Variants in RALYL observed in about 807,000 individuals in gnomAD.
RALYL encodes RNA-binding Raly-like protein.
Under a neutral mutation model 35.1 loss-of-function variants are expected in RALYL, and 29 were observed. That is an observed-to-expected ratio of 0.83 (90% CI 0.61 to 1.13). RALYL has a LOEUF of 1.13. Among genes scored for constraint, RALYL ranks in the 50% most tolerant of loss-of-function variants. RALYL has a pLI of 0.00. For missense variants in RALYL, 359 were observed against 360.4 expected (o/e 1.00, Z 0.03); for synonymous variants, 120 against 127.6 (o/e 0.94, Z 0.40).
At chr8:84,573,863 CTT>C (rs767449771) in intron 2 of RALYL, among the ~76,000 whole-genome samples, 28 of 151,860 alleles carry the variant, frequency 1.8e-4, no homozygotes, top group Non-Finnish European at 2.9e-4. Context: ...TCAATTTTTT[CTT>C]TTATATACTT....
At chr8:84,355,548 A>C (rs115311306) in intron 1 of RALYL, among the ~76,000 whole-genome samples, 1 of 150,614 alleles carries the variant, frequency 6.6e-6, no homozygotes, top group East Asian at 1.9e-4. Context: ...AGCAAAAGGA[A>C]TTTATCTTTT....
intron 2 of RALYL, among the ~76,000 whole-genome samples, chr8:84,612,847 C>T (rs543789915): frequency 6.6e-6 from 1 of 151,630 alleles, no homozygotes; most frequent in African/African-American, 2.4e-5. Flanking sequence ...TTTTTAAATG[C>T]ATGTTTATGA....
chr8:84,659,737 A>G (rs1830564917), intron 2 of RALYL, among the ~76,000 whole-genome samples: 1 of 152,192 alleles, frequency 6.6e-6, no homozygotes, highest in African/African-American at 2.4e-5. Context: ...AATATCATGT[A>G]TTGCTTTTGC....
At chr8:84,509,031 C>G (rs1587864374) in intron 1 of RALYL, among the ~76,000 whole-genome samples, 2 of 151,974 alleles carry the variant, frequency 1.3e-5, no homozygotes, top group African/African-American at 4.8e-5. Context: ...TGTTTGTATA[C>G]TTTAAAAAAA....
chr8:84,745,561 C>G (rs2133120503), intron 2 of RALYL, among the ~76,000 whole-genome samples: 1 of 152,104 alleles, frequency 6.6e-6, no homozygotes, highest in East Asian at 1.9e-4. Context: ...AATGTGCCTT[C>G]TTTATCTCTA....
intron 4 of RALYL, among the ~76,000 whole-genome samples, chr8:84,842,463 G>A (rs951517456): frequency 3.3e-5 from 5 of 152,168 alleles, no homozygotes; most frequent in Non-Finnish European, 7.4e-5. Context: ...CTCTGAAATT[G>A]AGGCAATAAT....
intron 2 of RALYL, among the ~76,000 whole-genome samples, chr8:84,725,156 T>C (rs1844705981): frequency 6.6e-6 from 1 of 151,728 alleles, no homozygotes; most frequent in Non-Finnish European, 1.5e-5. Flanking sequence ...GTACCAATGC[T>C]ATTCAAGTGT....
intron 1 of RALYL, among the ~76,000 whole-genome samples, chr8:84,489,159 C>T (rs2054974873): frequency 6.6e-6 from 1 of 152,000 alleles, no homozygotes. Flanking sequence ...AATGTTTCAT[C>T]TCTATCTTTA....
Position 84,433,864 on chromosome 8 carries a change from A to G in RALYL, c.-23-95435A>G, listed in dbSNP as rs545004162. On this transcript the variant is annotated intron_variant, in intron 1 of 8. Transcript: ENST00000521268. The stretch of plus-strand genomic sequence containing the variant: ...GTGTGTATATATATATATATATATA[A>G]TACCATGTGTAACATTTGAAAATAT... Among the ~76,000 whole-genome samples the G allele has an allele frequency of 1.1e-3, 161 of 150,814 alleles. 1 individual carries two copies. Among genetic ancestry groups the G allele is most frequent in the African/African-American group, 3.7e-3 (153 of 40,852 alleles).
At chr8:84,708,191 C>T (rs757552645) in intron 2 of RALYL, among the ~76,000 whole-genome samples, 1 of 151,944 alleles carries the variant, frequency 6.6e-6, no homozygotes, top group Non-Finnish European at 1.5e-5. Flanking sequence ...GTGCATGTGG[C>T]TATGTCAGGA....
At position 84,738,529 on chromosome 8, in the gene RALYL, C is replaced by A. The variant is rs563064601; in HGVS notation, c.257-36050C>A. ...TACTCTTTCAGATATTTTTCTTACC[C>A]TTTCTTATTTTTTACTTTTACCTTC... On this transcript the variant is annotated intron_variant, in intron 2 of 8. Transcript: ENST00000521268. 2.0e-5 allele frequency among the ~76,000 whole-genome samples: 3 copies of A among 152,072 alleles called. No homozygotes were observed. The South Asian group carries it at 6.2e-4, about 32-fold the overall frequency.
chr8:84,871,619 T>C (rs1322914471), intron 6 of RALYL, among the ~76,000 whole-genome samples: 1 of 152,212 alleles, frequency 6.6e-6, no homozygotes, highest in African/African-American at 2.4e-5. Flanking sequence ...TTTGATGTCT[T>C]TGAAGTAATT....
chr8:84,616,746 T>C (rs1819792412), intron 2 of RALYL, among the ~76,000 whole-genome samples: 1 of 151,588 alleles, frequency 6.6e-6, no homozygotes, highest in African/African-American at 2.4e-5. Context: ...AAGTCTTTAA[T>C]CCATCTTGAA....
At chr8:84,793,268 A>G (rs1821209421) in intron 3 of RALYL, among the ~76,000 whole-genome samples, 1 of 152,200 alleles carries the variant, frequency 6.6e-6, no homozygotes, top group Admixed American at 6.5e-5. Context: ...AACACTCTCA[A>G]ATTTGAAGTC....
chr8:84,369,223 C>T (rs1285185460), intron 1 of RALYL, among the ~76,000 whole-genome samples: 1 of 152,160 alleles, frequency 6.6e-6, no homozygotes, highest in Non-Finnish European at 1.5e-5. Flanking sequence ...GAGCAGTGCT[C>T]ACACTGTCCT....
At chr8:84,659,031 G>C (rs945052438) in intron 2 of RALYL, among the ~76,000 whole-genome samples, 3 of 152,116 alleles carry the variant, frequency 2.0e-5, no homozygotes, top group Non-Finnish European at 4.4e-5. Context: ...AAGTGGGATA[G>C]ATTTTTCTTC....
intron 4 of RALYL, among the ~76,000 whole-genome samples, chr8:84,824,934 A>G (rs1192862428): frequency 6.6e-6 from 1 of 152,138 alleles, no homozygotes; most frequent in Non-Finnish European, 1.5e-5. Context: ...TCTGGACATC[A>G]GCCTTCGGAA....
chr8:84,727,414 C>A (rs192915086), intron 2 of RALYL, among the ~76,000 whole-genome samples: 169 of 152,160 alleles, frequency 1.1e-3, no homozygotes, highest in African/African-American at 4.0e-3. Flanking sequence ...CAACAAAAAT[C>A]TTTCTTATTC....
At chr8:84,518,073 T>C (rs1397446669) in intron 1 of RALYL, among the ~76,000 whole-genome samples, 1 of 152,216 alleles carries the variant, frequency 6.6e-6, no homozygotes, top group Non-Finnish European at 1.5e-5. Flanking sequence ...TATGTTATAC[T>C]ATTTATGCTA....
Sources: gnomAD v4.1 joint callset for allele counts (sites outside exome capture counted in the v4.1 genomes callset) on GRCh38, gnomAD v4.1.1 for gene constraint, MANE v1.5 for transcripts, NCBI Gene and HGNC (gene_info 2026-07-23, HGNC 2026-07-21) for gene names.